HS6ST2: variants seen among roughly 807,000 people sequenced by gnomAD.
HS6ST2 encodes heparan sulfate 6-O-sulfotransferase 2, also known as heparan-sulfate 6-O-sulfotransferase 2.
A neutral mutation model predicts 33.0 loss-of-function variants in HS6ST2; 17 were observed. That is an observed-to-expected ratio of 0.52 (90% CI 0.35 to 0.77). HS6ST2 has a LOEUF of 0.77. Among genes scored for constraint, HS6ST2 ranks in the 30% least tolerant of loss-of-function variants. The pLI is 0.01. For synonymous variants in HS6ST2, 248 were observed against 237.1 expected (o/e 1.05, Z -0.42); for missense variants, 519 against 551.7 (o/e 0.94, Z 0.59).
At chrX:132,891,337 C>CAA (rs35709493) in intron 2 of HS6ST2, among the ~76,000 whole-genome samples, 1,075 of 74,991 alleles carry the variant, frequency 0.014, 11 homozygotes, top group South Asian at 0.056. Flanking sequence ...AAATGTTTAC[C>CAA]AAAAAAAAAA....
At chrX:132,813,937 A>T (rs905492460) in intron 2 of HS6ST2, among the ~76,000 whole-genome samples, 10 of 111,056 alleles carry the variant, frequency 9.0e-5, no homozygotes, top group Admixed American at 2.9e-4. Context: ...ACATTTATTT[A>T]ATTTAATTTA....
chrX:132,648,959 C>T (rs2063667599), intron 4 of HS6ST2, among the ~76,000 whole-genome samples: 1 of 112,086 alleles, frequency 8.9e-6, no homozygotes, highest in Non-Finnish European at 1.9e-5. Flanking sequence ...GTTATTCTGG[C>T]TCTGCAAGTG....
At chrX:132,748,072 TC>T (rs1340737420) in intron 2 of HS6ST2, among the ~76,000 whole-genome samples, 1 of 111,680 alleles carries the variant, frequency 9.0e-6, no homozygotes, top group East Asian at 2.8e-4. Context: ...TCAAATATTT[TC>T]TTTCTTCCCC....
At chrX:132,939,493 C>T (rs913589483) in intron 2 of HS6ST2, among the ~76,000 whole-genome samples, 4 of 110,191 alleles carry the variant, frequency 3.6e-5, no homozygotes, top group African/African-American at 9.9e-5. Flanking sequence ...GGCATGGTGG[C>T]GTGCACCTGT....
At chrX:132,668,800 A>C (rs1569479186) in intron 4 of HS6ST2, among the ~76,000 whole-genome samples, 1 of 111,095 alleles carries the variant, frequency 9.0e-6, no homozygotes, top group Admixed American at 9.6e-5. Flanking sequence ...AATTCTTAAA[A>C]CTTGTAATCC....
intron 2 of HS6ST2, among the ~76,000 whole-genome samples, chrX:132,821,207 ATTC>A (rs1397771072): frequency 1.7e-4 from 14 of 83,089 alleles, no homozygotes; most frequent in Non-Finnish European, 3.0e-4. Flanking sequence ...TCCCATTCCC[ATTC>A]TTTTTTTTTT....
rs1471772559 is a variant in HS6ST2, at chrX:132,669,214, A to G, written c.981-15T>C. ...GTTTATCCTTACTATACCCACAGAA[A>G]GAATAGAAAACATATACACAACAAG... On this transcript the variant is annotated splice_polypyrimidine_tract_variant and intron_variant, in intron 3 of 4. Transcript: ENST00000370833. 1.7e-6 allele frequency: 2 copies of G among 1,189,328 alleles called. No individual in the cohort carries two copies. The highest frequency in any genetic ancestry group is 4.5e-5 in the Admixed American group (2 of 44,554).
At chrX:132,885,796 C>G (rs924833183) in intron 2 of HS6ST2, among the ~76,000 whole-genome samples, 4 of 111,407 alleles carry the variant, frequency 3.6e-5, no homozygotes, top group Non-Finnish European at 7.5e-5. Context: ...AATAGAAAGC[C>G]ATGCTTAAAA....
At chrX:132,915,182 C>A (rs1445392482) in intron 2 of HS6ST2, among the ~76,000 whole-genome samples, 1 of 111,888 alleles carries the variant, frequency 8.9e-6, no homozygotes, top group Non-Finnish European at 1.9e-5. Context: ...GCCATTAGCC[C>A]ATTGTTAAAC....
chrX:132,899,834 C>T (rs2066411843), intron 2 of HS6ST2, among the ~76,000 whole-genome samples: 1 of 111,064 alleles, frequency 9.0e-6, no homozygotes, highest in Non-Finnish European at 1.9e-5. Flanking sequence ...GAAAGTTGTT[C>T]AAAGGAACAA....
chrX:132,646,604 T>G (rs1418998490), intron 4 of HS6ST2, among the ~76,000 whole-genome samples: 1 of 106,718 alleles, frequency 9.4e-6, no homozygotes, highest in Non-Finnish European at 1.9e-5. Context: ...CATCTCTAAG[T>G]GTACCTGGAG....
At chrX:132,808,601 C>T (rs1419820754) in intron 2 of HS6ST2, 3 of 112,101 alleles carry the variant, frequency 2.7e-5, no homozygotes, top group Non-Finnish European at 5.6e-5. Flanking sequence ...CTTTTGGGGT[C>T]AAGATCAAAT....
chrX:132,784,452 G>A (rs1291640183), intron 2 of HS6ST2, among the ~76,000 whole-genome samples: 1 of 111,361 alleles, frequency 9.0e-6, no homozygotes, highest in East Asian at 2.8e-4. Flanking sequence ...TGGGATTACA[G>A]GCACACGCCA....
intron 2 of HS6ST2, among the ~76,000 whole-genome samples, chrX:132,779,277 G>A (rs891445707): frequency 8.9e-6 from 1 of 111,862 alleles, no homozygotes. Context: ...AGACCCATGA[G>A]GACCATCTAG....
chrX:132,700,999 G>T (rs1038330981), intron 3 of HS6ST2, among the ~76,000 whole-genome samples: 1 of 111,573 alleles, frequency 9.0e-6, no homozygotes, highest in Non-Finnish European at 1.9e-5. Context: ...AGTCCTTTGA[G>T]CATAATGAAT....
chrX:132,852,599 G>A (rs1051975531), intron 2 of HS6ST2, among the ~76,000 whole-genome samples: 11 of 111,838 alleles, frequency 9.8e-5, no homozygotes, highest in Admixed American at 4.7e-4. Context: ...AATTCATTGC[G>A]TTTTCAAAGG....
At chrX:132,751,471 C>T (rs1450781400) in intron 2 of HS6ST2, among the ~76,000 whole-genome samples, 1 of 112,105 alleles carries the variant, frequency 8.9e-6, no homozygotes, top group African/African-American at 3.3e-5. Context: ...GCTCCTAGCT[C>T]CCAGGGATCT....
intron 2 of HS6ST2, among the ~76,000 whole-genome samples, chrX:132,937,558 C>T (rs1414818963): frequency 1.8e-5 from 2 of 111,561 alleles, no homozygotes; most frequent in Non-Finnish European, 3.8e-5. Context: ...TTACATCTAA[C>T]TGATTTTCAA....
intron 2 of HS6ST2, among the ~76,000 whole-genome samples, chrX:132,945,568 C>T (rs987338163): frequency 7.3e-5 from 8 of 110,335 alleles, no homozygotes; most frequent in East Asian, 5.8e-4. Context: ...ATATTTATTG[C>T]GGCATTAGTC....
Sources: allele counts gnomAD v4.1 joint callset (sites outside exome capture counted in the v4.1 genomes callset), GRCh38; gene constraint gnomAD v4.1.1; transcripts MANE v1.5; gene names NCBI Gene and HGNC (gene_info 2026-07-23, HGNC 2026-07-21).